DAPK3: variants seen among roughly 807,000 people sequenced by gnomAD.
DAPK3 encodes the protein death-associated protein kinase 3.
Under a neutral mutation model 30.6 loss-of-function variants are expected in DAPK3, and 24 were observed. That is an observed-to-expected ratio of 0.78 (90% CI 0.57 to 1.10). The LOEUF is 1.10. Among genes scored for constraint, DAPK3 ranks in the 50% least tolerant of loss-of-function variants. The pLI is 0.00. For missense variants in DAPK3, 629 were observed against 657.3 expected (o/e 0.96, Z 0.47); for synonymous variants, 341 against 284.0 (o/e 1.20, Z -2.02).
chr19:3,961,817 A>G (rs1452875736), intron 6 of DAPK3: 3 of 261,784 alleles, frequency 1.1e-5, no homozygotes, highest in Non-Finnish European at 1.6e-5. Flanking sequence ...CAGAGAGGAC[A>G]GGAGTGGAAA....
At chr19:3,962,719 G>A (rs943170560) in intron 6 of DAPK3, among the ~76,000 whole-genome samples, 2 of 133,472 alleles carry the variant, frequency 1.5e-5, no homozygotes, top group African/African-American at 5.6e-5. Context: ...AGAGGTTGCA[G>A]TAAGCCTGAG....
At position 3,963,899 on chromosome 19, in the gene DAPK3, C is replaced by G. The variant is rs1836235147; in HGVS notation, c.574G>C (p.Glu192Gln). Reference sequence around the variant, plus strand: ...ATGTCCGCCTCCAGGCCCAGCGGCTCATAGTTCACAATCTCTGGGGCTGCA... The same window carrying G: ...ATGTCCGCCTCCAGGCCCAGCGGCTGATAGTTCACAATCTCTGGGGCTGCA... Reference protein sequence around the residue: ...EFVAPEIVNYEPLGLEADMWS... With the variant: ...EFVAPEIVNYQPLGLEADMWS... The change falls in exon 5 of 9, where the codon GAG (glutamate) becomes CAG (glutamine). Residue 192 changes from glutamate (E) to glutamine (Q), a missense_variant. By Grantham distance (29) the Glu-to-Gln change is conservative (BLOSUM62 2). Around this residue, in one of 2 missense-constraint regions of DAPK3, gnomAD observed 306 missense variants for 378.5 expected, o/e 0.81. Transcript: ENST00000545797. The G allele has an allele frequency of 6.2e-7, 1 of 1,605,110 alleles. No individual in the cohort carries two copies. The highest frequency in any genetic ancestry group is 1.3e-5 in the African/African-American group (1 of 74,764).
intron 2 of DAPK3, among the ~76,000 whole-genome samples, chr19:3,965,314 A>G (rs1048346652): frequency 1.3e-5 from 2 of 152,210 alleles, no homozygotes; most frequent in African/African-American, 2.4e-5. Flanking sequence ...AGTTCAATGC[A>G]TATCAAGAGG....
Position 3,964,303 on chromosome 19 carries a change from G to C in DAPK3, c.494C>G (p.Ala165Gly). The change falls in exon 4 of 9, where the codon GCG becomes GGG. Residue 165 changes from alanine to glycine, a missense_variant. Transcript: ENST00000545797. The part of the protein sequence containing the change: ...PRIKLIDFGI[A>G]HKIEAGNEFK... ...CTCGTTCCCCGCCTCGATCTTGTGC[G>C]CGATGCCGAAGTCGATGAGCTTGAT... 1 of 1,613,342 alleles carries C rather than the reference G, an allele frequency of 6.2e-7. No homozygotes were observed. Among genetic ancestry groups the C allele is most frequent in the Non-Finnish European group, 8.5e-7 (1 of 1,179,296 alleles).
Position 3,964,957 on chromosome 19 carries a change from TCTGC to T in DAPK3, c.93_96del (p.Gln32ArgfsTer24). ...GCTGCGTACTCCTTGCCCGTGCCCT[TCTGC>T]CGGCACTTCCGCACGATCGCAAACT... On this transcript the variant is annotated frameshift_variant, in exon 3 of 9. Coordinates refer to ENST00000545797, the MANE Select transcript of DAPK3 (RefSeq NM_001348.3). LOFTEE classifies it high-confidence loss of function. 1 of 1,610,854 alleles carries T rather than the reference TCTGC, an allele frequency of 6.2e-7. No homozygotes were observed. Among genetic ancestry groups the T allele is most frequent in the Non-Finnish European group, 8.5e-7 (1 of 1,178,340 alleles).
chr19:3,963,708 G>A (rs995764923), intron 5 of DAPK3, 39 bp from the exon 6 acceptor site: 6 of 1,507,424 alleles, frequency 4.0e-6, no homozygotes, highest in Non-Finnish European at 5.4e-6. Flanking sequence ...CGCAGCGTGG[G>A]GCCGCCCACC....
In DAPK3 at chr19:3,958,754, C is replaced by T. The variant is rs1015990832; in HGVS notation, c.*347G>A. On this transcript the variant is annotated 3_prime_UTR_variant, in exon 9 of 9. Transcript: ENST00000545797. Reference sequence around the variant, plus strand: ...GTCCGTGCAACTACCCGCAAACCCTCCTCCGGGCCTGAACCAGGGCTGCAT... The same window carrying T: ...GTCCGTGCAACTACCCGCAAACCCTTCTCCGGGCCTGAACCAGGGCTGCAT... 6.3e-6 allele frequency: 3 copies of T among 476,500 alleles called. No individual in the cohort carries two copies. Among genetic ancestry groups the T allele is most frequent in the Admixed American group, 6.7e-5 (2 of 29,958 alleles). 29.5% of individuals were successfully genotyped at this position (476,500 alleles called of 1,614,324 possible). A position where few individuals can be genotyped will look rare whatever the true frequency, so the allele number is the denominator to read the frequency against.
rs778633982 is a variant in DAPK3, at chr19:3,964,311, G to A, written c.486C>T (p.Phe162=). ...VPNPRIKLID[F]GIAHKIEAGN... Reference sequence around the variant, plus strand: ...CCGCCTCGATCTTGTGCGCGATGCCGAAGTCGATGAGCTTGATTCGTGGGT... The same window carrying A: ...CCGCCTCGATCTTGTGCGCGATGCCAAAGTCGATGAGCTTGATTCGTGGGT... The change falls in exon 4 of 9, where the codon TTC becomes TTT. Residue 162 remains phenylalanine, a synonymous_variant. Coordinates refer to ENST00000545797, the MANE Select transcript of DAPK3 (RefSeq NM_001348.3). 83 of 1,613,108 alleles carry A rather than the reference G, an allele frequency of 5.1e-5. No individual in the cohort carries two copies. Among genetic ancestry groups the A allele is most frequent in the South Asian group, 4.3e-4 (39 of 91,080 alleles).
chr19:3,961,429 A>C (rs374248027), intron 6 of DAPK3: 1 of 603,812 alleles, frequency 1.7e-6, no homozygotes. Flanking sequence ...ATCTGTGCAG[A>C]CGCAGAGCCC....
At chr19:3,959,734 G>T (rs1043088138) in intron 8 of DAPK3, 97 bp from the exon 9 acceptor site, 59 of 1,342,766 alleles carry the variant, frequency 4.4e-5, no homozygotes, top group Non-Finnish European at 5.5e-5. Context: ...GGGCTCATCC[G>T]GCAGCAGAGT....
Position 3,959,611 on chromosome 19 carries a change from A to C in DAPK3, c.855T>G (p.Gly285=), listed in dbSNP as rs577336858. ...GCTCGGGCTTGCGGCCGCTGTCCTCACCACGCACGTTCCGCCGCCGGATCG... is the reference window on the plus strand; with the variant it reads ...GCTCGGGCTTGCGGCCGCTGTCCTCCCCACGCACGTTCCGCCGCCGGATCG... ...IKAIRRRNVR[G]EDSGRKPERR... The change falls in exon 9 of 9, where the codon GGT becomes GGG. Residue 285 remains glycine, a synonymous_variant. Coordinates refer to ENST00000545797, the MANE Select transcript of DAPK3 (RefSeq NM_001348.3). 2.5e-6 allele frequency: 4 copies of C among 1,583,846 alleles called. No homozygotes were observed. The East Asian group carries it at 9.1e-5, about 36-fold the overall frequency.
At chr19:3,970,826 G>A (rs1157605062) in intron 1 of DAPK3, 95 bp downstream of exon 1, 3 of 153,026 alleles carry the variant, frequency 2.0e-5, no homozygotes, top group African/African-American at 7.3e-5. Flanking sequence ...CATCCCTAAG[G>A]CTCCGCTCCA....
Position 3,958,562 on chromosome 19 carries a change from A to G in DAPK3, c.*539T>C. On this transcript the variant is annotated 3_prime_UTR_variant, in exon 9 of 9. Coordinates refer to ENST00000545797, the MANE Select transcript of DAPK3 (RefSeq NM_001348.3). Reference sequence around the variant, plus strand: ...GGAGGAGTCCGCAGCAGGGCACCCCACACCCGGGGGACCGGCCTCGGCGAG... The same window carrying G: ...GGAGGAGTCCGCAGCAGGGCACCCCGCACCCGGGGGACCGGCCTCGGCGAG... The G allele has an allele frequency of 2.2e-6, 1 of 455,994 alleles. No homozygotes were observed. The highest frequency in any genetic ancestry group is 1.6e-5 in the South Asian group (1 of 64,436). The allele number at this position is 455,994 out of a possible 1,614,324, so 28.2% of individuals were successfully genotyped here.
chr19:3,969,262 C>T (rs2039610757), intron 2 of DAPK3, among the ~76,000 whole-genome samples: 1 of 152,164 alleles, frequency 6.6e-6, no homozygotes, highest in South Asian at 2.1e-4. Flanking sequence ...TCTCAGCTTC[C>T]CTAGTAGCTG....
At chr19:3,964,181 G>A (rs1256473318) in intron 4 of DAPK3, 63 bp downstream of exon 4, 14 of 1,429,840 alleles carry the variant, frequency 9.8e-6, no homozygotes, top group South Asian at 7.7e-5. Context: ...CCCACCCCAC[G>A]CACAGCAGGC....
rs939842410 is a variant in DAPK3, at chr19:3,961,224, C to T, written c.630-63G>A. ...CTCCCACCACGGCCGCGCCGCCTCT[C>T]CGGCTGCCCACGACAGGCGGAGCAC... On this transcript the variant is annotated intron_variant, in intron 6 of 8. Coordinates refer to ENST00000545797, the MANE Select transcript of DAPK3 (RefSeq NM_001348.3). The T allele has an allele frequency of 6.2e-5, 87 of 1,405,100 alleles. 1 individual carries two copies. The highest frequency in any genetic ancestry group is 7.8e-5 in the Non-Finnish European group (79 of 1,006,418). The allele number at this position is 1,405,100 out of a possible 1,614,324, so 87.0% of individuals were successfully genotyped here.
At chr19:3,969,367 A>C (rs1300134627) in intron 2 of DAPK3, among the ~76,000 whole-genome samples, 1 of 152,034 alleles carries the variant, frequency 6.6e-6, no homozygotes, top group Non-Finnish European at 1.5e-5. Context: ...GGCAGAAGAC[A>C]CATCTTTTAA....
At position 3,961,129 on chromosome 19, in the gene DAPK3, G is replaced by A. The variant is rs1244158137; in HGVS notation, c.662C>T (p.Thr221Ile). The change falls in exon 7 of 9, where the codon ACC becomes ATC. Residue 221 changes from threonine (T) to isoleucine (I), a missense_variant. Physicochemically the swap from Thr to Ile is moderately conservative, Grantham distance 89. This residue lies in a region of DAPK3 where 306 missense variants were observed against 378.5 expected (regional missense o/e 0.81). Coordinates refer to ENST00000545797, the MANE Select transcript of DAPK3 (RefSeq NM_001348.3). ...GATGTTGGTGAGCGTCTCCTGCTTG[G>A]TCTCGCCCAGGAACGGGGATGCACC... ...LSGASPFLGETKQETLTNISA... is the reference protein window; with the variant it reads ...LSGASPFLGEIKQETLTNISA... 1.9e-6 allele frequency: 3 copies of A among 1,613,250 alleles called. No homozygotes were observed. The highest frequency in any genetic ancestry group is 2.5e-6 in the Non-Finnish European group (3 of 1,179,754).
At chr19:3,961,623 T>C (rs900867288) in intron 6 of DAPK3, 2 of 432,336 alleles carry the variant, frequency 4.6e-6, no homozygotes, top group South Asian at 3.3e-5. Context: ...GCAGAGACAC[T>C]GAAGCCCCGT....
Sources: allele counts gnomAD v4.1 joint callset (sites outside exome capture counted in the v4.1 genomes callset), GRCh38; gene constraint gnomAD v4.1.1; regional missense constraint gnomAD v4.1.1; transcripts MANE v1.5; gene names NCBI Gene and HGNC (gene_info 2026-07-23, HGNC 2026-07-21).